Variants in LRRTM4 observed in about 807,000 individuals in gnomAD.
The protein encoded by LRRTM4 is leucine-rich repeat transmembrane neuronal protein 4.
A neutral mutation model predicts 47.6 loss-of-function variants in LRRTM4; 25 were observed. The observed-to-expected ratio is 0.53, with a 90% CI of 0.38 to 0.73. The LOEUF (loss-of-function observed/expected upper bound fraction) is 0.73, where lower values mean the gene tolerates loss of function less well. Among genes scored for constraint, LRRTM4 ranks in the 30% least tolerant of loss-of-function variants. LRRTM4 has a pLI of 0.00. For missense variants in LRRTM4, 638 were observed against 713.4 expected (o/e 0.89, Z 1.20); for synonymous variants, 311 against 269.5 (o/e 1.15, Z -1.51).
intron 3 of LRRTM4, among the ~76,000 whole-genome samples, chr2:77,268,657 G>A (rs1573171703): frequency 1.3e-5 from 2 of 151,936 alleles, no homozygotes. Flanking sequence ...TTAAAAAGCT[G>A]ATATACAATA....
At chr2:77,375,755 C>A (rs113114124) in intron 3 of LRRTM4, among the ~76,000 whole-genome samples, 11 of 151,624 alleles carry the variant, frequency 7.3e-5, no homozygotes, top group Non-Finnish European at 1.0e-4. Flanking sequence ...TTGTTGCATA[C>A]GGCCGGATTT....
In LRRTM4 at chr2:76,824,845, C is replaced by T. The variant is rs540556457; in HGVS notation, c.1552-75929G>A. Among the ~76,000 whole-genome samples the T allele has an allele frequency of 4.3e-4, 65 of 151,582 alleles. No individual in the cohort carries two copies. In the South Asian group the frequency reaches 0.013, roughly 31 times the overall value. On this transcript the variant is annotated intron_variant, in intron 3 of 3. Coordinates refer to ENST00000409884, the MANE Select transcript of LRRTM4 (RefSeq NM_001134745.3). ...AATGAATAGAGTTTGAGTGAAAGCA[C>T]AGGATGGAACTCTTTTCAATTAGAG...
intron 3 of LRRTM4, among the ~76,000 whole-genome samples, chr2:77,085,299 AAG>A (rs1680673145): frequency 1.3e-5 from 2 of 151,992 alleles, no homozygotes; most frequent in East Asian, 1.9e-4. Context: ...TCTTACCTAC[AAG>A]AGTGATCCAC....
chr2:77,249,114 C>T (rs1392113515), intron 3 of LRRTM4, among the ~76,000 whole-genome samples: 2 of 151,968 alleles, frequency 1.3e-5, no homozygotes, highest in Non-Finnish European at 2.9e-5. Context: ...CTTTGGGAGG[C>T]TGAGGCATGT....
At chr2:77,091,120 G>A (rs1441208210) in intron 3 of LRRTM4, among the ~76,000 whole-genome samples, 1 of 151,850 alleles carries the variant, frequency 6.6e-6, no homozygotes, top group Non-Finnish European at 1.5e-5. Flanking sequence ...CACCTGCCCA[G>A]TTCCCTTATT....
chr2:77,521,543 T>G, intron 2 of LRRTM4, 125 bp downstream of exon 2: 1 of 1,070,042 alleles, frequency 9.3e-7, no homozygotes, highest in Non-Finnish European at 1.4e-6. Flanking sequence ...GTGAATCAAC[T>G]GGCAAACTCA....
At chr2:77,005,963 G>A (rs904817412) in intron 3 of LRRTM4, among the ~76,000 whole-genome samples, 1 of 152,164 alleles carries the variant, frequency 6.6e-6, no homozygotes, top group Non-Finnish European at 1.5e-5. Context: ...GAGGCACAAA[G>A]AGGATAGTTA....
intron 3 of LRRTM4, among the ~76,000 whole-genome samples, chr2:77,216,474 G>A (rs1674443892): frequency 6.6e-6 from 1 of 151,884 alleles, no homozygotes; most frequent in South Asian, 2.1e-4. Context: ...AGACCATCCT[G>A]GCCAATATGG....
chr2:77,265,023 C>G lies in LRRTM4; in HGVS notation c.1551+253295G>C, dbSNP rs558262178. Among the ~76,000 whole-genome samples, 10 of 152,140 alleles carry G rather than the reference C, an allele frequency of 6.6e-5. No homozygotes were observed. The South Asian group carries it at 2.1e-3, about 32-fold the overall frequency. On this transcript the variant is annotated intron_variant, in intron 3 of 3. Coordinates refer to ENST00000409884, the MANE Select transcript of LRRTM4 (RefSeq NM_001134745.3). ...ATGAGCCATTCACCAAGCAAAGTCA[C>G]AGTGAATGGCTTTTGTAAGTTGAGA...
At chr2:77,408,449 G>A (rs1001815499) in intron 3 of LRRTM4, among the ~76,000 whole-genome samples, 1 of 152,142 alleles carries the variant, frequency 6.6e-6, no homozygotes, top group Non-Finnish European at 1.5e-5. Context: ...AAAACACGCT[G>A]CTTCTAATTA....
chr2:76,758,452 T>C (rs1211413909), intron 3 of LRRTM4, among the ~76,000 whole-genome samples: 1 of 152,124 alleles, frequency 6.6e-6, no homozygotes, highest in African/African-American at 2.4e-5. Flanking sequence ...ATGATTACCA[T>C]GAGTCTAATA....
At chr2:77,219,948 G>GT (rs1674571487) in intron 3 of LRRTM4, among the ~76,000 whole-genome samples, 1 of 152,136 alleles carries the variant, frequency 6.6e-6, no homozygotes, top group African/African-American at 2.4e-5. Context: ...TAACTGGGAG[G>GT]CACCCCCCAG....
intron 3 of LRRTM4, among the ~76,000 whole-genome samples, chr2:77,066,604 TG>T (rs1169469448): frequency 4.6e-5 from 7 of 152,040 alleles, no homozygotes; most frequent in African/African-American, 1.7e-4. Context: ...AATGCCAACA[TG>T]AAGAAAAAAG....
At chr2:76,866,178 A>G (rs566250441) in intron 3 of LRRTM4, among the ~76,000 whole-genome samples, 49 of 152,302 alleles carry the variant, frequency 3.2e-4, no homozygotes, top group African/African-American at 1.1e-3. Flanking sequence ...TCCCTGCCAG[A>G]TCCATCCAAA....
chr2:76,912,155 G>C (rs1420605589), intron 3 of LRRTM4, among the ~76,000 whole-genome samples: 2 of 152,074 alleles, frequency 1.3e-5, no homozygotes, highest in African/African-American at 4.8e-5. Context: ...TCCTGACCTT[G>C]TGATCCCCCC....
chr2:77,113,042 G>A (rs544151855), intron 3 of LRRTM4, among the ~76,000 whole-genome samples: 2 of 152,190 alleles, frequency 1.3e-5, no homozygotes, highest in East Asian at 3.9e-4. Flanking sequence ...TAGGAGCTTG[G>A]CCTGGGGTGC....
At chr2:76,960,732 C>T (rs1408333091) in intron 3 of LRRTM4, among the ~76,000 whole-genome samples, 1 of 151,468 alleles carries the variant, frequency 6.6e-6, no homozygotes, top group Non-Finnish European at 1.5e-5. Context: ...TGTTATGTAA[C>T]ACTATACATT....
At chr2:76,793,586 C>T (rs1573113206) in intron 3 of LRRTM4, among the ~76,000 whole-genome samples, 1 of 124,908 alleles carries the variant, frequency 8.0e-6, no homozygotes, top group Non-Finnish European at 1.6e-5. Context: ...GAACTTTCTC[C>T]TCTTCACTGT....
chr2:77,516,258 A>T (rs1469482329), intron 3 of LRRTM4, among the ~76,000 whole-genome samples: 1 of 151,906 alleles, frequency 6.6e-6, no homozygotes, highest in Admixed American at 6.6e-5. Flanking sequence ...TCTATATAAC[A>T]CATACAATAT....
Sources: allele counts gnomAD v4.1 joint callset (sites outside exome capture counted in the v4.1 genomes callset), GRCh38; gene constraint gnomAD v4.1.1; transcripts MANE v1.5; gene names NCBI Gene and HGNC (gene_info 2026-07-23, HGNC 2026-07-21).